ZBTB20: variants seen among roughly 807,000 people sequenced by gnomAD.
ZBTB20 encodes the protein zinc finger and BTB domain-containing protein 20.
ZBTB20 carries 9 observed loss-of-function variants against 56.9 expected under a neutral mutation model. The observed-to-expected ratio is 0.16, with a 90% CI of 0.10 to 0.28. The LOEUF (loss-of-function observed/expected upper bound fraction) is 0.28. Among genes scored for constraint, ZBTB20 ranks in the 10% least tolerant of loss-of-function variants. The pLI is 1.00. For synonymous variants in ZBTB20, 417 were observed against 420.7 expected, an observed-to-expected ratio of 0.99 and a Z score of 0.11; for missense variants, 655 against 1,003.0, an observed-to-expected ratio of 0.65 and a Z score of 4.69.
At chr3:115,003,786 A>G (rs1432570584) in intron 2 of ZBTB20, among the ~76,000 whole-genome samples, 2 of 151,734 alleles carry the variant, frequency 1.3e-5, no homozygotes, top group Non-Finnish European at 2.9e-5. Context: ...GTGAAATCAA[A>G]GATAAATATG....
intron 6 of ZBTB20, among the ~76,000 whole-genome samples, chr3:114,587,460 G>C (rs1345834530): frequency 6.6e-6 from 1 of 152,182 alleles, no homozygotes; most frequent in Non-Finnish European, 1.5e-5. Flanking sequence ...AGGGCTACTA[G>C]AGAATGTTAC....
chr3:114,542,731 G>A (rs1374190304), intron 6 of ZBTB20, among the ~76,000 whole-genome samples: 1 of 152,062 alleles, frequency 6.6e-6, no homozygotes, highest in East Asian at 1.9e-4. Context: ...TTCTCCTCTG[G>A]CAGTGAGGTA....
chr3:114,427,689 T>A (rs926335017), intron 7 of ZBTB20, among the ~76,000 whole-genome samples: 9 of 152,256 alleles, frequency 5.9e-5, no homozygotes, highest in Non-Finnish European at 1.2e-4. Context: ...AGATTTGGTG[T>A]CTGCTGTCTG....
At chr3:114,978,406 G>T (rs1187559470) in intron 2 of ZBTB20, among the ~76,000 whole-genome samples, 1 of 150,760 alleles carries the variant, frequency 6.6e-6, no homozygotes, top group Non-Finnish European at 1.5e-5. Flanking sequence ...AGCAATGAAA[G>T]AAATGCAAAT....
intron 2 of ZBTB20, among the ~76,000 whole-genome samples, chr3:115,006,222 T>C (rs1346310603): frequency 2.0e-5 from 3 of 151,686 alleles, no homozygotes; most frequent in Non-Finnish European, 4.4e-5. Flanking sequence ...AAATAACTTC[T>C]TTATGTACAA....
At chr3:115,146,975 C>CGGGGGAGGGGGCGCGGGCGGGGCG (rs1553901824) in intron 1 of ZBTB20, among the ~76,000 whole-genome samples, 3 of 149,414 alleles carry the variant, frequency 2.0e-5, no homozygotes, top group African/African-American at 7.3e-5. Flanking sequence ...AGAAGGGCGC[C>CGGGGGAGGGGGCGCGGGCGGGGCG]GGGGGAGGGG....
chr3:115,054,968 G>A (rs1420676913), intron 2 of ZBTB20, among the ~76,000 whole-genome samples: 1 of 152,008 alleles, frequency 6.6e-6, no homozygotes, highest in Non-Finnish European at 1.5e-5. Context: ...TCAACCTCAG[G>A]TCTGAGTTCT....
chr3:114,930,578 C>G (rs1320479979), intron 3 of ZBTB20: 1 of 158,768 alleles, frequency 6.3e-6, no homozygotes, highest in Non-Finnish European at 1.4e-5. Context: ...CCAAGGCAGC[C>G]AACCCCAAGC....
At chr3:114,354,657 C>T (rs1218160627) in intron 10 of ZBTB20, among the ~76,000 whole-genome samples, 1 of 147,274 alleles carries the variant, frequency 6.8e-6, no homozygotes, top group Non-Finnish European at 1.5e-5. Flanking sequence ...TCTCAGCTCA[C>T]TGCAACCTTC....
chr3:114,782,408 G>A (rs1477877726), intron 5 of ZBTB20, among the ~76,000 whole-genome samples: 1 of 152,206 alleles, frequency 6.6e-6, no homozygotes, highest in East Asian at 1.9e-4. Flanking sequence ...GGGGCGTGTT[G>A]AAGTAGAAGT....
At chr3:114,788,783 A>C (rs944165322) in intron 5 of ZBTB20, among the ~76,000 whole-genome samples, 7 of 152,206 alleles carry the variant, frequency 4.6e-5, no homozygotes, top group Non-Finnish European at 8.8e-5. Context: ...AATTATTTAA[A>C]AAAGAGGTTT....
At chr3:114,802,112 G>A (rs895586995) in intron 4 of ZBTB20, among the ~76,000 whole-genome samples, 14 of 151,776 alleles carry the variant, frequency 9.2e-5, no homozygotes, top group African/African-American at 3.1e-4. Flanking sequence ...CTGATACAAT[G>A]GGATTTAGAA....
At chr3:114,586,864 A>G (rs1165352912) in intron 6 of ZBTB20, among the ~76,000 whole-genome samples, 1 of 150,772 alleles carries the variant, frequency 6.6e-6, no homozygotes, top group Non-Finnish European at 1.5e-5. Flanking sequence ...ATTACAAAAG[A>G]TGAAGAGTGC....
At chr3:115,077,845 A>T (rs1026563365) in intron 1 of ZBTB20, among the ~76,000 whole-genome samples, 6 of 152,332 alleles carry the variant, frequency 3.9e-5, no homozygotes, top group African/African-American at 1.4e-4. Flanking sequence ...AAAATTAAAA[A>T]TAGAACTGTT....
intron 4 of ZBTB20, among the ~76,000 whole-genome samples, chr3:114,862,597 A>G (rs141980258): frequency 1.6e-4 from 24 of 152,232 alleles, no homozygotes; most frequent in African/African-American, 5.8e-4. Flanking sequence ...TCTAGGAGGG[A>G]AAGTGTACGA....
chr3:114,896,666 G>T (rs539800384), intron 4 of ZBTB20, among the ~76,000 whole-genome samples: 73 of 152,164 alleles, frequency 4.8e-4, no homozygotes, highest in African/African-American at 1.7e-3. Flanking sequence ...ACATGAAAGT[G>T]TTATATAGAG....
chr3:114,722,229 GTTACT>G (rs767570754), intron 5 of ZBTB20, among the ~76,000 whole-genome samples: 40 of 152,264 alleles, frequency 2.6e-4, no homozygotes, highest in Non-Finnish European at 5.0e-4. Flanking sequence ...CATACAGAAA[GTTACT>G]TTAAACATTT....
intron 7 of ZBTB20, among the ~76,000 whole-genome samples, chr3:114,472,895 A>G (rs1445797652): frequency 1.3e-5 from 2 of 152,218 alleles, no homozygotes; most frequent in Non-Finnish European, 2.9e-5. Context: ...CAAAGAGGGT[A>G]TGTTAAAGAT....
chr3:114,403,616 G>A (rs747496033), intron 7 of ZBTB20, among the ~76,000 whole-genome samples: 19 of 151,844 alleles, frequency 1.3e-4, no homozygotes, highest in Admixed American at 2.0e-4. Flanking sequence ...TCTAGTGAGC[G>A]TCTCCATATT....
Sources: allele counts gnomAD v4.1 joint callset (sites outside exome capture counted in the v4.1 genomes callset), GRCh38; gene constraint gnomAD v4.1.1; transcripts MANE v1.5; gene names NCBI Gene and HGNC (gene_info 2026-07-23, HGNC 2026-07-21).